SMURF1: variants seen among roughly 807,000 people sequenced by gnomAD.
SMURF1 encodes the protein SMAD specific E3 ubiquitin protein ligase 1, also known as E3 ubiquitin-protein ligase SMURF1.
Under a neutral mutation model 98.0 loss-of-function variants are expected in SMURF1, and 44 were observed. That is an observed-to-expected ratio of 0.45 (90% CI 0.35 to 0.58). The LOEUF (loss-of-function observed/expected upper bound fraction) is 0.58. Ranked by LOEUF, SMURF1 falls within the 20% of genes least tolerant of loss-of-function variation. SMURF1 has a pLI of 0.00. For missense variants in SMURF1, 687 were observed against 938.4 expected (o/e 0.73, Z 3.50); for synonymous variants, 396 against 374.9 (o/e 1.06, Z -0.65).
intron 1 of SMURF1, among the ~76,000 whole-genome samples, chr7:99,091,700 T>C (rs188466656): frequency 8.9e-4 from 136 of 152,290 alleles, no homozygotes; most frequent in Middle Eastern, 3.4e-3. Context: ...CCTAGTCTTA[T>C]AATTTTTTTT....
chr7:99,112,712 T>C (rs1055396500), intron 1 of SMURF1, among the ~76,000 whole-genome samples: 2 of 152,096 alleles, frequency 1.3e-5, no homozygotes, highest in Admixed American at 6.5e-5. Context: ...TGGTCCTAAA[T>C]ATGCTTGAAG....
intron 1 of SMURF1, among the ~76,000 whole-genome samples, chr7:99,087,444 GCTT>G (rs1208028018): frequency 1.3e-5 from 2 of 152,166 alleles, no homozygotes; most frequent in Non-Finnish European, 2.9e-5. Context: ...AGTGGCATTT[GCTT>G]CTTATAAGTC....
chr7:99,073,400 T>C (rs867026913), intron 1 of SMURF1, among the ~76,000 whole-genome samples: 2 of 149,146 alleles, frequency 1.3e-5, no homozygotes, highest in Non-Finnish European at 1.5e-5. Flanking sequence ...AAGAAAAAAT[T>C]TGTCACAACA....
rs1422690281 is a variant in SMURF1, at chr7:99,063,253, A to T, written c.56-1416T>A. On this transcript the variant is annotated intron_variant, in intron 1 of 17. Transcript: ENST00000361368. ...ATATAAGATTTATTTATATATATAT[A>T]TATATATATATATATATATATATAT... Among the ~76,000 whole-genome samples the T allele has an allele frequency of 4.3e-3, 16 of 3,760 alleles. 1 individual carries two copies. The highest frequency in any genetic ancestry group is 0.022 in the East Asian group (3 of 136). The allele number at this position is 3,760 out of a possible 152,430, so 2.5% of individuals were successfully genotyped here. A position where few individuals can be genotyped will look rare whatever the true frequency, so the allele number is the denominator to read the frequency against.
intron 3 of SMURF1, among the ~76,000 whole-genome samples, chr7:99,058,028 T>C (rs1795926860): frequency 6.6e-6 from 1 of 152,208 alleles, no homozygotes; most frequent in Non-Finnish European, 1.5e-5. Context: ...TTCAACAAGC[T>C]GGGAAGAAGA....
chr7:99,087,716 A>G (rs776490542), intron 1 of SMURF1, among the ~76,000 whole-genome samples: 1 of 152,128 alleles, frequency 6.6e-6, no homozygotes, highest in African/African-American at 2.4e-5. Context: ...CGACGCTATC[A>G]ATCCATCTTT....
At chr7:99,093,602 T>C (rs548241604) in intron 1 of SMURF1, among the ~76,000 whole-genome samples, 307 of 149,978 alleles carry the variant, frequency 2.0e-3, no homozygotes, top group Non-Finnish European at 3.3e-3. Context: ...TTTACGCCTA[T>C]AATTTCCATG....
At chr7:99,142,630 G>T in intron 1 of SMURF1, among the ~76,000 whole-genome samples, 1 of 127,768 alleles carries the variant, frequency 7.8e-6, no homozygotes, top group Non-Finnish European at 1.7e-5. Context: ...AAGGGAGGAG[G>T]ACGGTGTGGG....
chr7:99,143,660 C>T, intron 1 of SMURF1, 66 bp downstream of exon 1: 1 of 1,420,688 alleles, frequency 7.0e-7, no homozygotes, highest in Non-Finnish European at 9.4e-7. Flanking sequence ...CCAAGGGCGC[C>T]CTGCGGGGAA....
chr7:99,121,920 G>A (rs990310704), intron 1 of SMURF1, among the ~76,000 whole-genome samples: 2 of 152,168 alleles, frequency 1.3e-5, no homozygotes, highest in African/African-American at 4.8e-5. Flanking sequence ...AGCGGCGAGG[G>A]GAACAGTCTC....
At chr7:99,080,182 A>G (rs567074324) in intron 1 of SMURF1, among the ~76,000 whole-genome samples, 1 of 152,368 alleles carries the variant, frequency 6.6e-6, no homozygotes, top group Admixed American at 6.5e-5. Flanking sequence ...AAGAACGTAT[A>G]AATTGCCCAA....
chr7:99,097,568 G>A (rs1020645071), intron 1 of SMURF1, among the ~76,000 whole-genome samples: 8 of 152,054 alleles, frequency 5.3e-5, no homozygotes, highest in African/African-American at 1.7e-4. Flanking sequence ...ATGGAATGAC[G>A]CCACAAGAAG....
At chr7:99,102,219 CTAA>C (rs1480869362) in intron 1 of SMURF1, among the ~76,000 whole-genome samples, 2 of 152,050 alleles carry the variant, frequency 1.3e-5, no homozygotes, top group Non-Finnish European at 1.5e-5. Flanking sequence ...TAAAATCTCC[CTAA>C]TATTATGATG....
intron 8 of SMURF1, 84 bp downstream of exon 8, chr7:99,051,273 A>G: frequency 8.9e-7 from 1 of 1,122,026 alleles, no homozygotes; most frequent in Non-Finnish European, 1.4e-6. Flanking sequence ...AGTTTAAAAC[A>G]AGAGCAACAC....
chr7:99,113,936 G>GAATAGT (rs1328634983), intron 1 of SMURF1, among the ~76,000 whole-genome samples: 1 of 148,968 alleles, frequency 6.7e-6, no homozygotes, highest in African/African-American at 2.5e-5. Context: ...TTTAAAAAAG[G>GAATAGT]AATAGTAATG....
At chr7:99,084,043 G>T (rs1288309877) in intron 1 of SMURF1, among the ~76,000 whole-genome samples, 1 of 152,210 alleles carries the variant, frequency 6.6e-6, no homozygotes, top group Non-Finnish European at 1.5e-5. Context: ...ACTGTGTGAA[G>T]AAACTATCAG....
intron 14 of SMURF1, 129 bp from the exon 15 acceptor site, chr7:99,037,316 C>T (rs1403465067): frequency 4.5e-6 from 5 of 1,114,402 alleles, no homozygotes; most frequent in Non-Finnish European, 6.6e-6. Context: ...CGGCTCACTG[C>T]AACCTCAGCC....
intron 1 of SMURF1, among the ~76,000 whole-genome samples, chr7:99,104,952 C>T (rs1001871035): frequency 2.6e-5 from 4 of 152,188 alleles, no homozygotes; most frequent in African/African-American, 4.8e-5. Context: ...CTCTTCTAGG[C>T]GCTCCTAGCA....
intron 1 of SMURF1, among the ~76,000 whole-genome samples, chr7:99,126,774 T>C (rs1797755724): frequency 6.6e-6 from 1 of 152,268 alleles, no homozygotes; most frequent in African/African-American, 2.4e-5. Context: ...AAAGTTATTA[T>C]TCTTTAATTA....
Sources: gnomAD v4.1 joint callset for allele counts (sites outside exome capture counted in the v4.1 genomes callset) on GRCh38, gnomAD v4.1.1 for gene constraint, MANE v1.5 for transcripts, NCBI Gene and HGNC (gene_info 2026-07-23, HGNC 2026-07-21) for gene names.